GRM7: variants seen among roughly 807,000 people sequenced by gnomAD.
The protein encoded by GRM7 is metabotropic glutamate receptor 7.
Under a neutral mutation model 84.5 loss-of-function variants are expected in GRM7, and 35 were observed. That is an observed-to-expected ratio of 0.41 (90% CI 0.32 to 0.55). The LOEUF (loss-of-function observed/expected upper bound fraction) is 0.55. Among genes scored for constraint, GRM7 ranks in the 20% least tolerant of loss-of-function variants. The pLI is 0.19. For missense variants in GRM7, 1,003 were observed against 1,194.6 expected, an observed-to-expected ratio of 0.84 and a Z score of 2.36; for synonymous variants, 487 against 455.1, an observed-to-expected ratio of 1.07 and a Z score of -0.89.
At chr3:6,987,413 A>T (rs1215220397) in intron 1 of GRM7, among the ~76,000 whole-genome samples, 2 of 151,638 alleles carry the variant, frequency 1.3e-5, no homozygotes, top group African/African-American at 4.9e-5. Context: ...AAAAAAAAAA[A>T]TCCCTGATAA....
At position 7,647,628 on chromosome 3, in the gene GRM7, G is replaced by C. The variant is rs150864620; in HGVS notation, c.2452-32421G>C. Among the ~76,000 whole-genome samples the C allele has an allele frequency of 1.8e-3, 270 of 152,292 alleles. 2 individuals carry two copies. Among genetic ancestry groups the C allele is most frequent in the South Asian group, 6.0e-3 (29 of 4,816 alleles). On this transcript the variant is annotated intron_variant, in intron 8 of 9. Transcript: ENST00000357716. The stretch of plus-strand genomic sequence containing the variant: ...GAAAAAAATCACTCTGAATTATAGA[G>C]GGGACAAGAGTAATAATAGAGACCA...
In GRM7 at chr3:7,177,658, C is replaced by CAGGG. The variant is rs1258804455; in HGVS notation, c.736+31002_736+31005dup. On this transcript the variant is annotated intron_variant, in intron 2 of 9. Transcript: ENST00000357716. ...GAAATAGAAAGAAGGGAATGAAATG[C>CAGGG]AGGGAGGGAGGGAGGAAGGACCTAA... Among the ~76,000 whole-genome samples, 10 of 149,582 alleles carry CAGGG rather than the reference C, an allele frequency of 6.7e-5. No individual in the cohort carries two copies. In the East Asian group the frequency reaches 1.8e-3, roughly 27 times the overall value.
chr3:6,961,945 A>G (rs775284559), intron 1 of GRM7, among the ~76,000 whole-genome samples: 1 of 152,188 alleles, frequency 6.6e-6, no homozygotes, highest in Non-Finnish European at 1.5e-5. Flanking sequence ...CAAACTTCCT[A>G]CAGCCAGGGT....
intron 1 of GRM7, among the ~76,000 whole-genome samples, chr3:7,131,729 G>A (rs574300357): frequency 4.6e-5 from 7 of 152,096 alleles, no homozygotes; most frequent in Admixed American, 2.0e-4. Context: ...CACCCGTCTC[G>A]GCCTCCCAAC....
At chr3:7,617,798 A>G (rs1179921497) in intron 8 of GRM7, among the ~76,000 whole-genome samples, 1 of 152,154 alleles carries the variant, frequency 6.6e-6, no homozygotes, top group Non-Finnish European at 1.5e-5. Flanking sequence ...TCTCCAACAA[A>G]CTATTCCAAA....
chr3:6,952,678 T>A lies in GRM7; in HGVS notation c.519+90771T>A, dbSNP rs1047136185. ...CCTTAATGATCTAATTTCTTAAAAA[T>A]TTGTTTCATGTATTTGTTTGCTTAT... is the stretch of plus-strand genomic sequence containing the variant. On this transcript the variant is annotated intron_variant, in intron 1 of 9. Transcript: ENST00000357716. Among the ~76,000 whole-genome samples, 6 of 152,346 alleles carry A rather than the reference T, an allele frequency of 3.9e-5. No individual in the cohort carries two copies. The East Asian group carries it at 9.6e-4, about 24-fold the overall frequency.
intron 7 of GRM7, among the ~76,000 whole-genome samples, chr3:7,538,721 G>A (rs1692701887): frequency 6.6e-6 from 1 of 152,152 alleles, no homozygotes; most frequent in South Asian, 2.1e-4. Flanking sequence ...ATGATAAAAA[G>A]CATGTACAAC....
At chr3:7,384,800 T>C (rs547853178) in intron 4 of GRM7, among the ~76,000 whole-genome samples, 3 of 152,104 alleles carry the variant, frequency 2.0e-5, no homozygotes, top group East Asian at 1.9e-4. Context: ...TACAGAGAGA[T>C]TGGGGAGCTT....
chr3:6,871,996 C>T (rs561322711), intron 1 of GRM7, among the ~76,000 whole-genome samples: 4 of 151,952 alleles, frequency 2.6e-5, no homozygotes, highest in South Asian at 4.2e-4. Context: ...TCAGAGAACA[C>T]ATAGTTAGCA....
intron 2 of GRM7, among the ~76,000 whole-genome samples, chr3:7,276,231 G>GTT: frequency 6.6e-6 from 1 of 151,256 alleles, no homozygotes; most frequent in South Asian, 2.1e-4. Context: ...GTGTGTGTGT[G>GTT]TGTGTGTGTG....
chr3:6,962,299 A>G (rs1693332878), intron 1 of GRM7, among the ~76,000 whole-genome samples: 1 of 152,222 alleles, frequency 6.6e-6, no homozygotes, highest in Admixed American at 6.5e-5. Context: ...ATGCATGACA[A>G]AATTAATCAT....
intron 2 of GRM7, among the ~76,000 whole-genome samples, chr3:7,153,122 T>G (rs1445707798): frequency 1.4e-5 from 2 of 146,158 alleles, no homozygotes; most frequent in African/African-American, 5.1e-5. Context: ...CCAGTAAGCT[T>G]GGTACTGTGG....
At chr3:7,070,310 A>G (rs1343444760) in intron 1 of GRM7, among the ~76,000 whole-genome samples, 1 of 152,126 alleles carries the variant, frequency 6.6e-6, no homozygotes, top group African/African-American at 2.4e-5. Context: ...AGAATTTTCC[A>G]GGTAGCTGAG....
At chr3:7,584,024 A>G (rs73019892) in intron 8 of GRM7, among the ~76,000 whole-genome samples, 23,941 of 152,216 alleles carry the variant, frequency 0.16, 2,242 homozygotes, top group Middle Eastern at 0.29. Context: ...ATGGAGAAGG[A>G]GCTTCCACTT....
At chr3:7,707,280 A>G (rs1339834161) in intron 9 of GRM7, among the ~76,000 whole-genome samples, 1 of 152,172 alleles carries the variant, frequency 6.6e-6, no homozygotes, top group East Asian at 1.9e-4. Context: ...AAGTTGGGCT[A>G]CATTTCAGCA....
At chr3:7,306,360 TA>T in intron 3 of GRM7, 137 bp from the exon 4 acceptor site, 1 of 690,768 alleles carries the variant, frequency 1.4e-6, no homozygotes, top group South Asian at 1.8e-5. Flanking sequence ...ATTAGGGATA[TA>T]AATTCTTTAT....
At chr3:6,946,421 C>G (rs1178691863) in intron 1 of GRM7, among the ~76,000 whole-genome samples, 1 of 152,096 alleles carries the variant, frequency 6.6e-6, no homozygotes, top group African/African-American at 2.4e-5. Context: ...TGGTCTATAT[C>G]TCTGTTTTGG....
chr3:7,334,573 C>T (rs1193285354), intron 4 of GRM7, among the ~76,000 whole-genome samples: 1 of 152,076 alleles, frequency 6.6e-6, no homozygotes, highest in Non-Finnish European at 1.5e-5. Flanking sequence ...TATCTCAATA[C>T]TAACATTGAA....
chr3:6,876,259 C>A (rs943034439), intron 1 of GRM7, among the ~76,000 whole-genome samples: 5 of 151,470 alleles, frequency 3.3e-5, no homozygotes, highest in East Asian at 3.9e-4. Flanking sequence ...CAGAGCGAGG[C>A]TCCATCTCAA....
Sources: allele counts gnomAD v4.1 joint callset (sites outside exome capture counted in the v4.1 genomes callset), GRCh38; gene constraint gnomAD v4.1.1; transcripts MANE v1.5; gene names NCBI Gene and HGNC (gene_info 2026-07-23, HGNC 2026-07-21).